Variants in OTOR observed in about 807,000 individuals in gnomAD.
OTOR encodes the protein fibrocyte-derived protein.
A neutral mutation model predicts 15.9 loss-of-function variants in OTOR; 20 were observed. The ratio of observed to expected loss-of-function variants is 1.26; its 90% CI spans 0.89 to 1.83. The LOEUF (loss-of-function observed/expected upper bound fraction) is 1.83, where lower values mean the gene tolerates loss of function less well. Ranked by LOEUF, OTOR falls within the 40% of genes most tolerant of loss-of-function variation. The pLI, the probability that OTOR is intolerant of heterozygous loss-of-function variation, is 0.00. For missense variants in OTOR, 184 were observed against 159.0 expected, an observed-to-expected ratio of 1.16 and a Z score of -0.85; for synonymous variants, 53 against 54.2, an observed-to-expected ratio of 0.98 and a Z score of 0.09.
intron 1 of OTOR, 130 bp from the exon 2 acceptor site, chr20:16,748,737 G>A (rs1309350081): frequency 2.6e-6 from 2 of 776,532 alleles, no homozygotes; most frequent in East Asian, 5.6e-5. Context: ...CTTTCTCTTG[G>A]ATAGACACCA....
intron 2 of OTOR, chr20:16,749,641 A>G: frequency 2.4e-6 from 1 of 424,936 alleles, no homozygotes; most frequent in Non-Finnish European, 4.2e-6. Flanking sequence ...GATTTCAGGC[A>G]ACTCACAAGA....
rs572909272 is a variant in OTOR at position 16,751,590 on chromosome 20, G to T, written c.*472G>T. The T allele has an allele frequency of 6.5e-6, 1 of 152,878 alleles. No individual in the cohort carries two copies. The highest frequency in any genetic ancestry group is 2.4e-5 in the African/African-American group (1 of 41,470). 9.5% of individuals were successfully genotyped at this position (152,878 alleles called of 1,614,324 possible). On this transcript the variant is annotated 3_prime_UTR_variant, in exon 4 of 4. Transcript: ENST00000246081. ...TTAATAAAAGGTCTGTATTATCAAA[G>T]AGTATTCTAGTATTTTTGTTACTTT...
chr20:16,751,334 C>A lies in OTOR; in HGVS notation c.*216C>A. 3.9e-6 allele frequency: 2 copies of A among 514,036 alleles called. No homozygotes were observed. Among genetic ancestry groups the A allele is most frequent in the East Asian group, 3.3e-5 (1 of 30,108 alleles). 31.8% of individuals were successfully genotyped at this position (514,036 alleles called of 1,614,324 possible). ...GGCCTGGTCTGCCCACGAGCTAGAG[C>A]GGGGAAATGTTGAGCTCAAATGGGT... On this transcript the variant is annotated 3_prime_UTR_variant, in exon 4 of 4. Transcript: ENST00000246081.
chr20:16,751,187 A>G lies in OTOR; in HGVS notation c.*69A>G. The G allele has an allele frequency of 9.3e-7, 1 of 1,080,318 alleles. No individual in the cohort carries two copies. The highest frequency in any genetic ancestry group is 1.3e-6 in the Non-Finnish European group (1 of 742,960). The allele number at this position is 1,080,318 out of a possible 1,614,324, so 66.9% of individuals were successfully genotyped here. A position where few individuals can be genotyped will look rare whatever the true frequency, so the allele number is the denominator to read the frequency against. The stretch of plus-strand genomic sequence containing the variant: ...AAGAAAAGAGCAAAAGTGGCCAAAA[A>G]ATGCATGTCTGTAATTTTGGACTGA... On this transcript the variant is annotated 3_prime_UTR_variant, in exon 4 of 4. Transcript: ENST00000246081.
rs770868423 is a variant in OTOR, at chr20:16,748,891, A to G, written c.140A>G (p.Gln47Arg). The change falls in exon 2 of 4, where the codon CAA (glutamine) becomes CGA (arginine). Residue 47 changes from glutamine (Q) to arginine (R), a missense_variant. Coordinates refer to ENST00000246081, the MANE Select transcript of OTOR (RefSeq NM_020157.4). The part of the protein sequence containing the change: ...CVYTISLASA[Q>R]EDYNAPDCRF... ...GATACTATTTCTCTGGCTAGTGCTC[A>G]AGAAGATTATAATGCCCCGGACTGT... 9.0e-5 allele frequency: 144 copies of G among 1,599,576 alleles called. No individual in the cohort carries two copies. Among genetic ancestry groups the G allele is most frequent in the Admixed American group, 5.9e-4 (33 of 56,310 alleles).
intron 2 of OTOR, 87 bp from the exon 3 acceptor site, chr20:16,749,816 C>A: frequency 1.1e-6 from 1 of 880,944 alleles, no homozygotes; most frequent in Non-Finnish European, 1.9e-6. Flanking sequence ...CTATGATTCT[C>A]ACTATCAGCA....
Position 16,749,967 on chromosome 20 carries a change from A to T in OTOR, c.320A>T (p.Glu107Val). 6.2e-7 allele frequency: 1 copy of T among 1,613,856 alleles called. No homozygotes were observed. The highest frequency in any genetic ancestry group is 8.5e-7 in the Non-Finnish European group (1 of 1,179,842). Residue 107 changes from glutamate to valine, a missense_variant, in exon 3 of 4, where the codon GAA becomes GTA. By Grantham distance (121) the Glu-to-Val change is moderately radical. Coordinates refer to ENST00000246081, the MANE Select transcript of OTOR (RefSeq NM_020157.4). The stretch of plus-strand genomic sequence containing the variant: ...TATTTCCCCAGGAACTTGGTCAAGG[A>T]ACAGCGTGTGTACCAGGAAGCTACC... ...VGYFPRNLVK[E>V]QRVYQEATKE...
chr20:16,751,306 G>C lies in OTOR; in HGVS notation c.*188G>C. 1.8e-6 allele frequency: 1 copy of C among 564,200 alleles called. No homozygotes were observed. The highest frequency in any genetic ancestry group is 2.3e-5 in the South Asian group (1 of 43,422). 34.9% of individuals were successfully genotyped at this position (564,200 alleles called of 1,614,324 possible). A position where few individuals can be genotyped will look rare whatever the true frequency, so the allele number is the denominator to read the frequency against. On this transcript the variant is annotated 3_prime_UTR_variant, in exon 4 of 4. Coordinates refer to ENST00000246081, the MANE Select transcript of OTOR (RefSeq NM_020157.4). ...ATTTTCAACTCAAATCTTGTTTCCT[G>C]CTGGCCTGGTCTGCCCACGAGCTAG...
intron 2 of OTOR, 141 bp downstream of exon 2, chr20:16,749,147 A>T: frequency 2.1e-6 from 1 of 481,848 alleles, no homozygotes; most frequent in Non-Finnish European, 3.4e-6. Context: ...ATTCAGGTAT[A>T]TTTGCTATTG....
intron 2 of OTOR, 63 bp from the exon 3 acceptor site, chr20:16,749,840 C>G (rs952513363): frequency 9.0e-7 from 1 of 1,113,608 alleles, no homozygotes; most frequent in Admixed American, 1.8e-5. Flanking sequence ...AGGACGCCTG[C>G]GAGTTTCTCA....
rs1600230201 is a variant in OTOR, at chr20:16,748,535, T to C, written c.115+19T>C. ...TGTGTCTGTAAGGACTTTTTTATGCTTTTCATTATCTTTCTATTACATAAT... is the reference window on the plus strand; with the variant it reads ...TGTGTCTGTAAGGACTTTTTTATGCCTTTCATTATCTTTCTATTACATAAT... On this transcript the variant is annotated intron_variant, in intron 1 of 3. Transcript: ENST00000246081. 5.8e-6 allele frequency: 8 copies of C among 1,368,188 alleles called. No homozygotes were observed. The highest frequency in any genetic ancestry group is 1.2e-5 in the South Asian group (1 of 82,886). The allele number at this position is 1,368,188 out of a possible 1,614,324, so 84.8% of individuals were successfully genotyped here.
chr20:16,750,065 C>A, intron 3 of OTOR, 55 bp downstream of exon 3: 2 of 1,199,508 alleles, frequency 1.7e-6, no homozygotes, highest in Non-Finnish European at 2.5e-6. Context: ...CAATGTAGGC[C>A]GGTGTTAAAA....
At chr20:16,748,569 T>C in intron 1 of OTOR, 53 bp downstream of exon 1, 4 of 1,029,628 alleles carry the variant, frequency 3.9e-6, no homozygotes, top group Non-Finnish European at 1.5e-6. Flanking sequence ...ATTGAAAATA[T>C]ATCCACTAAT....
At chr20:16,749,028 T>C (rs1339508866) in intron 2 of OTOR, 22 bp downstream of exon 2, 5 of 1,544,564 alleles carry the variant, frequency 3.2e-6, no homozygotes, top group Non-Finnish European at 4.4e-6. Flanking sequence ...TAAACACCTA[T>C]TGACGAATAT....
chr20:16,750,099 G>A (rs1483287238), intron 3 of OTOR, 89 bp downstream of exon 3: 7 of 851,980 alleles, frequency 8.2e-6, no homozygotes, highest in Non-Finnish European at 1.4e-5. Context: ...CTTACAAGTT[G>A]TATAGAACAA....
Position 16,748,400 on chromosome 20 carries a change from A to G in OTOR, c.-2A>G. 2 of 1,599,118 alleles carry G rather than the reference A, an allele frequency of 1.3e-6. No individual in the cohort carries two copies. The highest frequency in any genetic ancestry group is 1.7e-4 in the Middle Eastern group (1 of 6,030). On this transcript the variant is annotated 5_prime_UTR_variant, in exon 1 of 4. Coordinates refer to ENST00000246081, the MANE Select transcript of OTOR (RefSeq NM_020157.4). ...GTTCAAGTTAAAACAGAAAAAAGGA[A>G]GATGGCAAGAATATTGTTACTTTTC...
At chr20:16,749,027 A>G (rs375808530) in intron 2 of OTOR, 21 bp downstream of exon 2, 10 of 1,541,630 alleles carry the variant, frequency 6.5e-6, no homozygotes, top group South Asian at 1.2e-5. Context: ...TTAAACACCT[A>G]TTGACGAATA....
At position 16,749,959 on chromosome 20, in the gene OTOR, G is replaced by T; in HGVS notation, c.312G>T (p.Leu104Phe). 1 of 1,613,816 alleles carries T rather than the reference G, an allele frequency of 6.2e-7. No homozygotes were observed. Among genetic ancestry groups the T allele is most frequent in the South Asian group, 1.1e-5 (1 of 91,058 alleles). ...MGVVGYFPRN[L>F]VKEQRVYQEA... ...TCGTGGGTTATTTCCCCAGGAACTTGGTCAAGGAACAGCGTGTGTACCAGG... is the reference window on the plus strand; with the variant it reads ...TCGTGGGTTATTTCCCCAGGAACTTTGTCAAGGAACAGCGTGTGTACCAGG... Residue 104 changes from leucine to phenylalanine, a missense_variant, in exon 3 of 4, where the codon TTG (leucine) becomes TTT (phenylalanine). By Grantham distance (22) the Leu-to-Phe change is conservative. Coordinates refer to ENST00000246081, the MANE Select transcript of OTOR (RefSeq NM_020157.4).
rs749045883 is a variant in OTOR, at chr20:16,749,889, T to C, written c.256-14T>C. ...ATCAGCTTTTTCCTGATTGCTATTCTTCTGGGCACTTAGGTTTATGGTGAT... is the reference window on the plus strand; with the variant it reads ...ATCAGCTTTTTCCTGATTGCTATTCCTCTGGGCACTTAGGTTTATGGTGAT... On this transcript the variant is annotated splice_polypyrimidine_tract_variant and intron_variant, in intron 2 of 3. Coordinates refer to ENST00000246081, the MANE Select transcript of OTOR (RefSeq NM_020157.4). 1 of 1,569,430 alleles carries C rather than the reference T, an allele frequency of 6.4e-7. No individual in the cohort carries two copies. Among genetic ancestry groups the C allele is most frequent in the African/African-American group, 1.3e-5 (1 of 74,124 alleles).
Sources: allele counts gnomAD v4.1 joint callset, GRCh38; gene constraint gnomAD v4.1.1; transcripts MANE v1.5; gene names NCBI Gene and HGNC (gene_info 2026-07-23, HGNC 2026-07-21).